TTC38: variants seen among roughly 807,000 people sequenced by gnomAD.
TTC38 encodes tetratricopeptide repeat domain 38, also known as tetratricopeptide repeat protein 38.
Under a neutral mutation model 64.2 loss-of-function variants are expected in TTC38, and 64 were observed. The observed-to-expected ratio is 1.00, with a 90% CI of 0.81 to 1.23. The LOEUF (loss-of-function observed/expected upper bound fraction) is 1.23. Among genes scored for constraint, TTC38 ranks in the 50% most tolerant of loss-of-function variants. TTC38 has a pLI of 0.00. For missense variants in TTC38, 573 were observed against 615.5 expected (o/e 0.93, Z 0.73); for synonymous variants, 254 against 249.3 (o/e 1.02, Z -0.18).
rs6008444 is a variant in TTC38, at chr22:46,272,829, C to T, written c.193+413C>T. Among the ~76,000 whole-genome samples, 22,452 of 152,100 alleles carry T rather than the reference C, an allele frequency of 0.15. 4,011 individuals carry two copies. Among genetic ancestry groups the T allele is most frequent in the African/African-American group, 0.43 (17,779 of 41,466 alleles). On this transcript the variant is annotated intron_variant, in intron 3 of 13. Coordinates refer to ENST00000381031, the MANE Select transcript of TTC38 (RefSeq NM_017931.4). This position sits in a 1 kb window ranked among gnomAD's most constrained non-coding sequence, Gnocchi z 6.4. ...CATGAGAGGTGGCTGCTGCAGCCTC[C>T]GTCAGGGGACCAGTGAGGCCTCATC...
At position 46,274,084 on chromosome 22, in the gene TTC38, T is replaced by G; in HGVS notation, c.365+15T>G. The G allele has an allele frequency of 1.3e-6, 2 of 1,572,854 alleles. No individual in the cohort carries two copies. The highest frequency in any genetic ancestry group is 1.7e-6 in the Non-Finnish European group (2 of 1,156,706). On this transcript the variant is annotated intron_variant, in intron 4 of 13. Coordinates refer to ENST00000381031, the MANE Select transcript of TTC38 (RefSeq NM_017931.4). This position sits in a 1 kb window ranked among gnomAD's most constrained non-coding sequence, Gnocchi z 4.8. ...TTTGCCAATGGGTGAGGGGCCTCCC[T>G]GGGCTGGGAGCTGGCACCCTGAGGC... is the stretch of plus-strand genomic sequence containing the variant.
intron 8 of TTC38, among the ~76,000 whole-genome samples, 176 bp from the exon 9 acceptor site, chr22:46,285,065 G>A (rs1416248534): frequency 2.0e-5 from 3 of 151,908 alleles, no homozygotes; most frequent in South Asian, 2.1e-4. Context: ...GGTTGGAAGC[G>A]GGTTCACCTT....
Position 46,273,895 on chromosome 22 carries a change from C to T in TTC38, c.194-3C>T. ...CACCAGCCGTTCTCTAACCTCCCAC[C>T]AGTGATGGGCCACGCCATGGCTACT... is the stretch of plus-strand genomic sequence containing the variant. On this transcript the variant is annotated splice_region_variant and splice_polypyrimidine_tract_variant and intron_variant, in intron 3 of 13. Transcript: ENST00000381031. This position sits in a 1 kb window ranked among gnomAD's most constrained non-coding sequence, Gnocchi z 5.1. 6.2e-7 allele frequency: 1 copy of T among 1,614,074 alleles called. No homozygotes were observed. The highest frequency in any genetic ancestry group is 8.5e-7 in the Non-Finnish European group (1 of 1,179,990).
rs1392408003 is a variant in TTC38 at position 46,290,993 on chromosome 22, G to A, written c.1316+1094G>A. On this transcript the variant is annotated intron_variant, in intron 13 of 13. Coordinates refer to ENST00000381031, the MANE Select transcript of TTC38 (RefSeq NM_017931.4). ...CAGGTGGCAGCCCGGGTCCACAGGA[G>A]GCCCTTGGCTGGTGACAAGCCCAGT... Among the ~76,000 whole-genome samples the A allele has an allele frequency of 4.6e-5, 7 of 152,330 alleles. No individual in the cohort carries two copies. The East Asian group carries it at 1.2e-3, about 25-fold the overall frequency.
chr22:46,292,767 G>T lies in TTC38; in HGVS notation c.1317-24G>T. 2 of 1,604,936 alleles carry T rather than the reference G, an allele frequency of 1.2e-6. 1 individual carries two copies. Among genetic ancestry groups the T allele is most frequent in the Non-Finnish European group, 1.7e-6 (2 of 1,171,992 alleles). ...CATCCCTCTAGAAGGTTCTGTAACA[G>T]GACCTCTGTGTCTGTTTCCACAGGA... is the stretch of plus-strand genomic sequence containing the variant. On this transcript the variant is annotated intron_variant, in intron 13 of 13. Transcript: ENST00000381031. This position sits in a 1 kb window ranked among gnomAD's most constrained non-coding sequence, Gnocchi z 6.5.
Position 46,291,713 on chromosome 22 carries a change from C to CG in TTC38, c.1317-1076dup, listed in dbSNP as rs1486752563. ...CTCATGCCTGTAATCCCAGCACTTT[C>CG]GGAGGCCAAGGCGGGTGGATCACCT... On this transcript the variant is annotated intron_variant, in intron 13 of 13. Transcript: ENST00000381031. This position sits in a 1 kb window ranked among gnomAD's most constrained non-coding sequence, Gnocchi z 4.6. Among the ~76,000 whole-genome samples, 1 of 152,090 alleles carries CG rather than the reference C, an allele frequency of 6.6e-6. No homozygotes were observed. The highest frequency in any genetic ancestry group is 1.5e-5 in the Non-Finnish European group (1 of 67,996).
Position 46,282,093 on chromosome 22 carries a change from G to A in TTC38, c.735+375G>A. The A allele has an allele frequency of 2.4e-6, 1 of 414,874 alleles. No homozygotes were observed. Among genetic ancestry groups the A allele is most frequent in the Non-Finnish European group, 5.1e-6 (1 of 197,956 alleles). 25.7% of individuals were successfully genotyped at this position (414,874 alleles called of 1,614,324 possible). A position where few individuals can be genotyped will look rare whatever the true frequency, so the allele number is the denominator to read the frequency against. ...ACTCAACTGGGCTTGGGGGGACAGT[G>A]GCTAGGGAAGGCATCCTGGAGGGGG... On this transcript the variant is annotated intron_variant, in intron 7 of 13. Coordinates refer to ENST00000381031, the MANE Select transcript of TTC38 (RefSeq NM_017931.4). The surrounding 1 kb of genome is among the most constrained non-coding windows in gnomAD (Gnocchi z 4.4).
rs901645793 is a variant in TTC38, at chr22:46,291,060, G to C, written c.1316+1161G>C. On this transcript the variant is annotated intron_variant, in intron 13 of 13. Transcript: ENST00000381031. The surrounding 1 kb of genome is among the most constrained non-coding windows in gnomAD (Gnocchi z 4.6). ...CACCAGCGCAGCTCCCTCCAGGCAG[G>C]GTTACCCAAACTGAGCTGTACAGGT... Among the ~76,000 whole-genome samples, 1 of 152,170 alleles carries C rather than the reference G, an allele frequency of 6.6e-6. No individual in the cohort carries two copies. The highest frequency in any genetic ancestry group is 1.5e-5 in the Non-Finnish European group (1 of 68,038).
rs1936883808 is a variant in TTC38 at position 46,271,060 on chromosome 22, A to T, written c.112-1275A>T. Among the ~76,000 whole-genome samples, 1 of 152,082 alleles carries T rather than the reference A, an allele frequency of 6.6e-6. No individual in the cohort carries two copies. The highest frequency in any genetic ancestry group is 2.4e-5 in the African/African-American group (1 of 41,410). Reference sequence around the variant, plus strand: ...GAGCTTTGGGTAAGTTTTATCTTTCAGCTTTTGTGTCTTTCTAACTCTCTA... The same window carrying T: ...GAGCTTTGGGTAAGTTTTATCTTTCTGCTTTTGTGTCTTTCTAACTCTCTA... On this transcript the variant is annotated intron_variant, in intron 2 of 13. Transcript: ENST00000381031. The surrounding 1 kb of genome is among the most constrained non-coding windows in gnomAD (Gnocchi z 5.5).
intron 7 of TTC38, 72 bp from the exon 8 acceptor site, chr22:46,283,901 C>T (rs1159780478): frequency 9.1e-6 from 5 of 547,340 alleles, no homozygotes; most frequent in African/African-American, 2.2e-5. Flanking sequence ...TGCATTAGCA[C>T]AAAACAACAT....
At position 46,281,839 on chromosome 22, in the gene TTC38, C is replaced by T; in HGVS notation, c.735+121C>T. ...TTAATTCTCGGGGTTCCCTCTCCTC[C>T]TCCACCTGCACCTGCCTCAGGTGTT... is the stretch of plus-strand genomic sequence containing the variant. On this transcript the variant is annotated intron_variant, in intron 7 of 13. Coordinates refer to ENST00000381031, the MANE Select transcript of TTC38 (RefSeq NM_017931.4). The surrounding 1 kb of genome is among the most constrained non-coding windows in gnomAD (Gnocchi z 5.2). 1 of 1,332,960 alleles carries T rather than the reference C, an allele frequency of 7.5e-7. No individual in the cohort carries two copies. Among genetic ancestry groups the T allele is most frequent in the Non-Finnish European group, 1.1e-6 (1 of 945,870 alleles). The allele number at this position is 1,332,960 out of a possible 1,614,324, so 82.6% of individuals were successfully genotyped here.
In TTC38 at chr22:46,293,334, G is replaced by T. The variant is rs753360584; in HGVS notation, c.*450G>T. 3.0e-5 allele frequency: 5 copies of T among 167,368 alleles called. No homozygotes were observed. The highest frequency in any genetic ancestry group is 4.7e-5 in the African/African-American group (2 of 42,308). The allele number at this position is 167,368 out of a possible 1,614,324, so 10.4% of individuals were successfully genotyped here. A position where few individuals can be genotyped will look rare whatever the true frequency, so the allele number is the denominator to read the frequency against. On this transcript the variant is annotated 3_prime_UTR_variant, in exon 14 of 14. Coordinates refer to ENST00000381031, the MANE Select transcript of TTC38 (RefSeq NM_017931.4). The surrounding 1 kb of genome is among the most constrained non-coding windows in gnomAD (Gnocchi z 6.6). The stretch of plus-strand genomic sequence containing the variant: ...CATTCTTTTCTTTATATTCTAGACA[G>T]TCTCTGTTGTCTCATTGTGTTGCTG...
Position 46,288,685 on chromosome 22 carries a change from G to A in TTC38, c.1082+97G>A, listed in dbSNP as rs1034181672. ...CTGAGACCTGTTCAGTGCCTGCCCC[G>A]CCTGTGAGTGCAGCAGGGGGGATGC... is the stretch of plus-strand genomic sequence containing the variant. On this transcript the variant is annotated intron_variant, in intron 11 of 13. Transcript: ENST00000381031. The A allele has an allele frequency of 5.0e-5, 62 of 1,232,644 alleles. 1 individual carries two copies. In the African/African-American group the frequency reaches 7.1e-4, roughly 14 times the overall value. 76.4% of individuals were successfully genotyped at this position (1,232,644 alleles called of 1,614,324 possible). A position where few individuals can be genotyped will look rare whatever the true frequency, so the allele number is the denominator to read the frequency against.
chr22:46,285,135 G>A (rs1007531339), intron 8 of TTC38, 106 bp from the exon 9 acceptor site: 12 of 970,964 alleles, frequency 1.2e-5, no homozygotes, highest in Admixed American at 5.3e-5. Context: ...GGTGGAGGCC[G>A]GAGACCATGT....
At chr22:46,290,594 C>G (rs866885874) in intron 13 of TTC38, among the ~76,000 whole-genome samples, 2 of 129,692 alleles carry the variant, frequency 1.5e-5, no homozygotes, top group Admixed American at 1.5e-4. Flanking sequence ...AGGAGGGTGG[C>G]GTGGCTGGAG....
chr22:46,285,538 A>G (rs1272523404), intron 9 of TTC38, among the ~76,000 whole-genome samples: 5 of 151,952 alleles, frequency 3.3e-5, no homozygotes, highest in African/African-American at 1.2e-4. Flanking sequence ...CACCTCTGCA[A>G]TTGTGGACTC....
chr22:46,289,364 A>G (rs1207216662), intron 11 of TTC38, 38 bp from the exon 12 acceptor site: 4 of 1,595,292 alleles, frequency 2.5e-6, no homozygotes, highest in Admixed American at 3.4e-5. Context: ...ATGTTCTGTG[A>G]TGGGCAGGCA....
At position 46,275,426 on chromosome 22, in the gene TTC38, G is replaced by A; in HGVS notation, c.539+5G>A. 4.4e-6 allele frequency: 7 copies of A among 1,603,156 alleles called. No individual in the cohort carries two copies. The South Asian group carries it at 6.7e-5, about 15-fold the overall frequency. ...ACCTGACATCCCCCTAAGCAGGTAT[G>A]TGCCAGCTGGAAATCACATTATTTC... On this transcript the variant is annotated splice_donor_5th_base_variant and intron_variant, in intron 5 of 13. Coordinates refer to ENST00000381031, the MANE Select transcript of TTC38 (RefSeq NM_017931.4). This position sits in a 1 kb window ranked among gnomAD's most constrained non-coding sequence, Gnocchi z 4.5.
intron 6 of TTC38, among the ~76,000 whole-genome samples, chr22:46,280,468 A>AG (rs2077526012): frequency 6.6e-6 from 1 of 152,220 alleles, no homozygotes. Context: ...AGCTGGTGAC[A>AG]GCCACCACCC....
Sources: allele counts gnomAD v4.1 joint callset (sites outside exome capture counted in the v4.1 genomes callset), GRCh38; gene constraint gnomAD v4.1.1; non-coding constraint Gnocchi (gnomAD v3.1); transcripts MANE v1.5; gene names NCBI Gene and HGNC (gene_info 2026-07-23, HGNC 2026-07-21).